The following RPS6KC1 variants were observed in gnomAD, a reference collection of about 807,000 sequenced individuals.
The protein encoded by RPS6KC1 is inactive ribosomal protein S6 kinase delta-1.
Under a neutral mutation model 103.8 loss-of-function variants are expected in RPS6KC1, and 54 were observed. The ratio of observed to expected loss-of-function variants is 0.52; its 90% CI spans 0.42 to 0.65. The LOEUF (loss-of-function observed/expected upper bound fraction) is 0.65. RPS6KC1 is among the 30% of genes least tolerant of loss of function. The pLI is 0.00. For missense variants in RPS6KC1, 1,151 were observed against 1,253.8 expected, an observed-to-expected ratio of 0.92 and a Z score of 1.24; for synonymous variants, 439 against 438.7, an observed-to-expected ratio of 1.00 and a Z score of -0.01.
chr1:213,459,845 A>G, the RPS6KC1 span, among the ~76,000 whole-genome samples: 177 of 152,196 alleles, frequency 1.2e-3, no homozygotes, highest in African/African-American at 4.1e-3. Flanking sequence ...TTTGTGATTT[A>G]CCAGTAGTCA....
chr1:213,432,749 CTTT>C, the RPS6KC1 span, among the ~76,000 whole-genome samples: 2 of 147,240 alleles, frequency 1.4e-5, no homozygotes, highest in Non-Finnish European at 1.5e-5. Context: ...AATCATTTCC[CTTT>C]TTTTTTTTTG....
chr1:213,304,428 C>T, the RPS6KC1 span, among the ~76,000 whole-genome samples: 13 of 152,180 alleles, frequency 8.5e-5, no homozygotes, highest in African/African-American at 3.1e-4. Flanking sequence ...TAACTCACCA[C>T]TCAAAGATAA....
At chr1:213,854,562 TTCTCTCTC>T in the RPS6KC1 span, among the ~76,000 whole-genome samples, 13 of 122,616 alleles carry the variant, frequency 1.1e-4, no homozygotes, top group South Asian at 5.1e-4. Flanking sequence ...CTTTCTTTCT[TTCTCTCTC>T]TCTCTCTCTT....
the RPS6KC1 span, among the ~76,000 whole-genome samples, chr1:213,772,903 T>C: frequency 3.9e-5 from 6 of 152,116 alleles, no homozygotes; most frequent in East Asian, 5.8e-4. Flanking sequence ...AGCGGCCAGT[T>C]CTCTCACAAA....
At chr1:213,840,495 C>T in the RPS6KC1 span, 6 of 152,260 alleles carry the variant, frequency 3.9e-5, no homozygotes, top group Admixed American at 3.9e-4. Flanking sequence ...AAAAGGCATC[C>T]ACATGATCTC....
chr1:213,162,002 A>G (rs1363895133), intron 6 of RPS6KC1, among the ~76,000 whole-genome samples: 1 of 152,200 alleles, frequency 6.6e-6, no homozygotes, highest in Non-Finnish European at 1.5e-5. Context: ...TGTTTACCAG[A>G]TTAAAAACTC....
At chr1:213,433,521 G>A in the RPS6KC1 span, among the ~76,000 whole-genome samples, 2 of 152,264 alleles carry the variant, frequency 1.3e-5, no homozygotes, top group African/African-American at 4.8e-5. Flanking sequence ...TGGATCATAC[G>A]GTGTGTGTTT....
chr1:213,255,242 C>T (rs1342077680), intron 12 of RPS6KC1, among the ~76,000 whole-genome samples: 1 of 151,456 alleles, frequency 6.6e-6, no homozygotes, highest in Non-Finnish European at 1.5e-5. Flanking sequence ...GGGAGGATTG[C>T]TTGAGCCCAG....
At chr1:213,473,740 C>G in the RPS6KC1 span, among the ~76,000 whole-genome samples, 1 of 152,206 alleles carries the variant, frequency 6.6e-6, no homozygotes, top group Admixed American at 6.5e-5. Flanking sequence ...TTAGGACTTT[C>G]AATCCTCTAC....
At chr1:213,090,925 C>T (rs2080901958) in intron 3 of RPS6KC1, among the ~76,000 whole-genome samples, 1 of 152,196 alleles carries the variant, frequency 6.6e-6, no homozygotes, top group Non-Finnish European at 1.5e-5. Flanking sequence ...TTACAAATCT[C>T]TAATGTCTGG....
At chr1:213,841,946 C>T in the RPS6KC1 span, 1 of 152,222 alleles carries the variant, frequency 6.6e-6, no homozygotes, top group African/African-American at 2.4e-5. Context: ...CTCAAGACAA[C>T]CTGGACCAGC....
rs201311957 is a variant in RPS6KC1 at position 213,241,416 on chromosome 1, C to G, written c.1940C>G (p.Thr647Ser). 48 of 1,613,790 alleles carry G rather than the reference C, an allele frequency of 3.0e-5. No homozygotes were observed. The highest frequency in any genetic ancestry group is 1.1e-5 in the South Asian group (1 of 91,088). ...GACAGTGCTTCTAGGAGTTTTAATA[C>G]TAGTGAAAGCAAGGTAGAGTTTAAA... ...DGDSASRSFN[T>S]SESKVEFKAQ... Residue 647 changes from threonine (T) to serine (S), a missense_variant, in exon 11 of 15, where the codon ACT (threonine) becomes AGT (serine). By Grantham distance (58) the Thr-to-Ser change is moderately conservative. This residue lies in a region of RPS6KC1 where 959 missense variants were observed against 1,006.3 expected (regional missense o/e 0.95). Coordinates refer to ENST00000366960, the MANE Select transcript of RPS6KC1 (RefSeq NM_012424.6).
chr1:213,183,942 T>C lies in RPS6KC1; in HGVS notation c.1044+7450T>C, dbSNP rs2092409342. On this transcript the variant is annotated intron_variant, in intron 8 of 14. Coordinates refer to ENST00000366960, the MANE Select transcript of RPS6KC1 (RefSeq NM_012424.6). ...GTCAGGAATGAAACAGGTATGGATCTTGCCTACATCAAAAGGATAACAAGG... is the reference window on the plus strand; with the variant it reads ...GTCAGGAATGAAACAGGTATGGATCCTGCCTACATCAAAAGGATAACAAGG... 4.6e-5 allele frequency among the ~76,000 whole-genome samples: 7 copies of C among 152,264 alleles called. No homozygotes were observed. In the South Asian group the frequency reaches 1.5e-3, roughly 32 times the overall value.
At chr1:213,383,102 G>T in the RPS6KC1 span, among the ~76,000 whole-genome samples, 2 of 152,176 alleles carry the variant, frequency 1.3e-5, no homozygotes, top group African/African-American at 4.8e-5. Context: ...AAGCTGGGTC[G>T]TGTGTCCTGC....
chr1:213,801,356 G>A, the RPS6KC1 span, among the ~76,000 whole-genome samples: 2 of 152,066 alleles, frequency 1.3e-5, no homozygotes, highest in Non-Finnish European at 2.9e-5. Context: ...AGACATAACT[G>A]TAATTCTGTT....
In RPS6KC1 at chr1:213,128,759, C is replaced by T. The variant is rs534145943; in HGVS notation, c.473-768C>T. ...TTACCTAAAAGCACACTTCTGAGGACGCATTGTGTAGTTGTTATATAGTTA... is the reference window on the plus strand; with the variant it reads ...TTACCTAAAAGCACACTTCTGAGGATGCATTGTGTAGTTGTTATATAGTTA... On this transcript the variant is annotated intron_variant, in intron 5 of 14. Coordinates refer to ENST00000366960, the MANE Select transcript of RPS6KC1 (RefSeq NM_012424.6). 1.4e-4 allele frequency among the ~76,000 whole-genome samples: 22 copies of T among 152,194 alleles called. No individual in the cohort carries two copies. In the South Asian group the frequency reaches 1.5e-3, roughly 10 times the overall value.
chr1:213,845,186 T>G, the RPS6KC1 span, among the ~76,000 whole-genome samples: 1 of 152,228 alleles, frequency 6.6e-6, no homozygotes, highest in Non-Finnish European at 1.5e-5. Flanking sequence ...ATTCCTTTCT[T>G]AATTTTGCAA....
intron 7 of RPS6KC1, among the ~76,000 whole-genome samples, chr1:213,168,368 A>G (rs1558464952): frequency 6.6e-6 from 1 of 152,234 alleles, no homozygotes; most frequent in South Asian, 2.1e-4. Flanking sequence ...AGTATATGCT[A>G]TTGGTCACCT....
At chr1:213,627,794 G>A in the RPS6KC1 span, among the ~76,000 whole-genome samples, 14 of 152,310 alleles carry the variant, frequency 9.2e-5, no homozygotes, top group Admixed American at 2.6e-4. Context: ...TGATGGATAA[G>A]GTTTTTGATG....
Sources: gnomAD v4.1 joint callset for allele counts (sites outside exome capture counted in the v4.1 genomes callset) on GRCh38, gnomAD v4.1.1 for gene constraint, gnomAD v4.1.1 regional missense constraint, MANE v1.5 for transcripts, NCBI Gene and HGNC (gene_info 2026-07-23, HGNC 2026-07-21) for gene names.